APBB1IP: variants seen among roughly 807,000 people sequenced by gnomAD.
APBB1IP encodes the protein amyloid beta precursor protein binding family B member 1 interacting protein.
Under a neutral mutation model 64.9 loss-of-function variants are expected in APBB1IP, and 27 were observed. The ratio of observed to expected loss-of-function variants is 0.42; its 90% CI spans 0.31 to 0.57. The LOEUF (loss-of-function observed/expected upper bound fraction) is 0.57, where lower values mean the gene tolerates loss of function less well. Ranked by LOEUF, APBB1IP falls within the 20% of genes least tolerant of loss-of-function variation. The pLI, the probability that APBB1IP is intolerant of heterozygous loss-of-function variation, is 0.20. For synonymous variants in APBB1IP, 392 were observed against 331.0 expected, an observed-to-expected ratio of 1.18 and a Z score of -2.00; for missense variants, 812 against 845.5, an observed-to-expected ratio of 0.96 and a Z score of 0.49.
intron 2 of APBB1IP, among the ~76,000 whole-genome samples, chr10:26,455,209 A>T (rs4749143): frequency 0.4 from 60,710 of 152,048 alleles, 12,267 homozygotes; most frequent in South Asian, 0.5. Context: ...GCCATGGAGT[A>T]AAGTACTGTG....
At chr10:26,552,395 C>T (rs898752123) in intron 11 of APBB1IP, among the ~76,000 whole-genome samples, 4 of 151,940 alleles carry the variant, frequency 2.6e-5, no homozygotes, top group Admixed American at 1.3e-4. Flanking sequence ...CTTAGGAGTT[C>T]GAGACCAGCC....
intron 2 of APBB1IP, among the ~76,000 whole-genome samples, chr10:26,489,422 A>G (rs1181494570): frequency 7.2e-5 from 11 of 152,218 alleles, no homozygotes; most frequent in Non-Finnish European, 7.3e-5. Flanking sequence ...AAATTAAGCA[A>G]GAAGATTTCA....
intron 10 of APBB1IP, among the ~76,000 whole-genome samples, chr10:26,541,140 A>G (rs1025635268): frequency 2.6e-5 from 4 of 152,102 alleles, no homozygotes; most frequent in Non-Finnish European, 5.9e-5. Flanking sequence ...GGTCAGTGGC[A>G]CCGATTTTCA....
At chr10:26,519,764 A>G (rs1213461064) in intron 8 of APBB1IP, among the ~76,000 whole-genome samples, 1 of 152,224 alleles carries the variant, frequency 6.6e-6, no homozygotes, top group Non-Finnish European at 1.5e-5. Context: ...ATTGAAGTGG[A>G]GGCAATTTTG....
At chr10:26,528,110 G>C (rs79046048) in intron 8 of APBB1IP, among the ~76,000 whole-genome samples, 1 of 152,248 alleles carries the variant, frequency 6.6e-6, no homozygotes, top group Admixed American at 6.5e-5. Context: ...TCTCTGCTTA[G>C]AATCCATGCA....
intron 14 of APBB1IP, among the ~76,000 whole-genome samples, chr10:26,564,949 C>T (rs1485688162): frequency 1.3e-5 from 2 of 152,208 alleles, no homozygotes; most frequent in South Asian, 2.1e-4. Flanking sequence ...AGCTTGTAAT[C>T]GGCTCCTCCC....
intron 8 of APBB1IP, among the ~76,000 whole-genome samples, chr10:26,527,542 CAAAAA>C (rs550297713): frequency 2.2e-5 from 2 of 91,218 alleles, no homozygotes. Context: ...TACCTTGTCT[CAAAAA>C]AAAAAAAAAA....
At chr10:26,514,964 CG>C (rs1836305985) in intron 8 of APBB1IP, among the ~76,000 whole-genome samples, 2 of 151,742 alleles carry the variant, frequency 1.3e-5, no homozygotes, top group South Asian at 4.1e-4. Flanking sequence ...CTCTGCCTCC[CG>C]GGTTCAGGTG....
intron 2 of APBB1IP, among the ~76,000 whole-genome samples, chr10:26,449,247 T>C (rs939995102): frequency 2.6e-5 from 4 of 152,180 alleles, no homozygotes; most frequent in Admixed American, 1.3e-4. Context: ...TGCATGAAGA[T>C]GCAACAGACA....
intron 2 of APBB1IP, among the ~76,000 whole-genome samples, chr10:26,466,133 C>A (rs565006250): frequency 6.6e-6 from 1 of 152,156 alleles, no homozygotes. Context: ...TTTCCTGGTC[C>A]CTGGGCTGAG....
chr10:26,445,798 C>T (rs1835391511), intron 2 of APBB1IP, among the ~76,000 whole-genome samples: 1 of 152,166 alleles, frequency 6.6e-6, no homozygotes, highest in African/African-American at 2.4e-5. Context: ...GCTAAAAATT[C>T]TCTAGGAGCT....
At chr10:26,468,945 C>T (rs1018114778) in intron 2 of APBB1IP, among the ~76,000 whole-genome samples, 2 of 152,168 alleles carry the variant, frequency 1.3e-5, no homozygotes, top group African/African-American at 4.8e-5. Context: ...TTTGACCCCT[C>T]CTGAGGTGGC....
At chr10:26,448,020 ATATTTCATT>A (rs1835420709) in intron 2 of APBB1IP, among the ~76,000 whole-genome samples, 1 of 152,164 alleles carries the variant, frequency 6.6e-6, no homozygotes, top group Admixed American at 6.5e-5. Flanking sequence ...TTATTTTTGG[ATATTTCATT>A]TAATAAAATA....
At chr10:26,559,264 T>A (rs1240573791) in intron 11 of APBB1IP, among the ~76,000 whole-genome samples, 1 of 152,118 alleles carries the variant, frequency 6.6e-6, no homozygotes, top group Non-Finnish European at 1.5e-5. Context: ...ATTGATAATA[T>A]AGTAAGAAGT....
At chr10:26,499,574 A>ACTTC (rs1233319187) in intron 4 of APBB1IP, among the ~76,000 whole-genome samples, 1 of 152,102 alleles carries the variant, frequency 6.6e-6, no homozygotes, top group Non-Finnish European at 1.5e-5. Context: ...CTCATGGATC[A>ACTTC]CTTCCTTCCT....
intron 11 of APBB1IP, among the ~76,000 whole-genome samples, chr10:26,542,929 T>C (rs1836714236): frequency 6.7e-6 from 1 of 149,374 alleles, no homozygotes; most frequent in Admixed American, 6.8e-5. Flanking sequence ...CATTTTTGAT[T>C]GTCATAGCTT....
chr10:26,474,211 G>A (rs530212970), intron 2 of APBB1IP, among the ~76,000 whole-genome samples: 1 of 152,192 alleles, frequency 6.6e-6, no homozygotes, highest in Admixed American at 6.5e-5. Context: ...GGTGGTTTCA[G>A]CTCTCCAGTG....
intron 2 of APBB1IP, among the ~76,000 whole-genome samples, chr10:26,474,578 C>G (rs1435542795): frequency 1.3e-5 from 2 of 152,176 alleles, no homozygotes; most frequent in Non-Finnish European, 2.9e-5. Flanking sequence ...ACACATACTT[C>G]AAAACATCCT....
chr10:26,473,999 C>CAAAAAA (rs35712977), intron 2 of APBB1IP, among the ~76,000 whole-genome samples: 1 of 67,358 alleles, frequency 1.5e-5, no homozygotes, highest in African/African-American at 5.6e-5. Flanking sequence ...CACCCTGTCT[C>CAAAAAA]AAAAAAAAAA....
Sources: allele counts gnomAD v4.1 joint callset (sites outside exome capture counted in the v4.1 genomes callset), GRCh38; gene constraint gnomAD v4.1.1; transcripts MANE v1.5; gene names NCBI Gene and HGNC (gene_info 2026-07-23, HGNC 2026-07-21).